Variants in MAST2 observed in about 807,000 individuals in gnomAD.
MAST2 encodes the protein microtubule-associated serine/threonine-protein kinase 2.
A neutral mutation model predicts 147.4 loss-of-function variants in MAST2; 70 were observed. That is an observed-to-expected ratio of 0.47 (90% CI 0.39 to 0.58). MAST2 has a LOEUF of 0.58. MAST2 is among the 20% of genes least tolerant of loss of function. The pLI, the probability that MAST2 is intolerant of heterozygous loss-of-function variation, is 0.00. For missense variants in MAST2, 2,080 were observed against 2,302.3 expected (o/e 0.90, Z 1.98); for synonymous variants, 869 against 896.8 (o/e 0.97, Z 0.55).
intron 4 of MAST2, among the ~76,000 whole-genome samples, chr1:45,887,331 C>G (rs377083722): frequency 6.6e-6 from 1 of 152,146 alleles, no homozygotes; most frequent in Non-Finnish European, 1.5e-5. Context: ...AGATAACAGA[C>G]TGTAGGAGTG....
intron 3 of MAST2, among the ~76,000 whole-genome samples, chr1:45,841,538 A>G (rs1477216021): frequency 2.6e-5 from 4 of 152,114 alleles, no homozygotes; most frequent in African/African-American, 9.7e-5. Flanking sequence ...GGTGGATGCC[A>G]CCATGCCTGG....
chr1:46,010,193 C>T (rs887606104), intron 9 of MAST2, among the ~76,000 whole-genome samples: 1 of 152,168 alleles, frequency 6.6e-6, no homozygotes. Flanking sequence ...TAACAAACTT[C>T]CCGGTTTAGA....
chr1:45,857,928 C>G (rs2148040622), intron 3 of MAST2, among the ~76,000 whole-genome samples: 1 of 137,198 alleles, frequency 7.3e-6, no homozygotes, highest in African/African-American at 2.7e-5. Flanking sequence ...CATGTCCCTA[C>G]AAAGGACATG....
intron 3 of MAST2, among the ~76,000 whole-genome samples, chr1:45,842,091 C>G (rs1414178270): frequency 6.6e-6 from 1 of 152,074 alleles, no homozygotes; most frequent in African/African-American, 2.4e-5. Context: ...ACTAGGTGAT[C>G]GTTGTATTCT....
Position 46,035,856 on chromosome 1 carries a change from T to C in MAST2, c.5187T>C (p.Ser1729=), listed in dbSNP as rs765128183. Residue 1729 remains serine, a synonymous_variant, in exon 29 of 29, where the codon TCT becomes TCC. Transcript: ENST00000361297. This position sits in a 1 kb window ranked among gnomAD's most constrained non-coding sequence, Gnocchi z 5.5. ...CCAGCCAGGGCTGGCTATGGGAGTC[T>C]GAGTGTGCACAAGCAGTGAAAGAGG... The part of the protein sequence containing the change: ...EDPSQGWLWE[S]ECAQAVKEDP... 23 of 1,613,924 alleles carry C rather than the reference T, an allele frequency of 1.4e-5. No individual in the cohort carries two copies. The highest frequency in any genetic ancestry group is 1.9e-5 in the Non-Finnish European group (22 of 1,180,028).
intron 4 of MAST2, among the ~76,000 whole-genome samples, chr1:45,899,146 T>C (rs548176974): frequency 1.3e-4 from 20 of 152,284 alleles, no homozygotes; most frequent in African/African-American, 4.6e-4. Context: ...AGAGGAGTAG[T>C]CTTCCAAAGC....
Position 46,035,838 on chromosome 1 carries a change from G to C in MAST2, c.5169G>C (p.Gln1723His). Residue 1723 changes from glutamine to histidine, a missense_variant, in exon 29 of 29, where the codon CAG becomes CAC. Physicochemically the swap from Gln to His is conservative, Grantham distance 24. Coordinates refer to ENST00000361297, the MANE Select transcript of MAST2 (RefSeq NM_015112.3). This position sits in a 1 kb window ranked among gnomAD's most constrained non-coding sequence, Gnocchi z 5.5. ...ATCCATCTTATGAGGATCCCAGCCA[G>C]GGCTGGCTATGGGAGTCTGAGTGTG... ...LAHPSYEDPSQGWLWESECAQ... is the reference protein window; with the variant it reads ...LAHPSYEDPSHGWLWESECAQ... 1 of 1,614,140 alleles carries C rather than the reference G, an allele frequency of 6.2e-7. No homozygotes were observed. The highest frequency in any genetic ancestry group is 8.5e-7 in the Non-Finnish European group (1 of 1,180,046).
At chr1:45,911,942 G>T (rs1651750185) in intron 4 of MAST2, among the ~76,000 whole-genome samples, 1 of 150,288 alleles carries the variant, frequency 6.7e-6, no homozygotes, top group Non-Finnish European at 1.5e-5. Context: ...AGAATATTGA[G>T]TAGAAACTTA....
intron 4 of MAST2, among the ~76,000 whole-genome samples, chr1:45,948,121 A>C (rs563179876): frequency 5.9e-5 from 9 of 152,346 alleles, no homozygotes; most frequent in African/African-American, 2.2e-4. Flanking sequence ...GCAGCCAGGG[A>C]GAGAGCCAAA....
intron 4 of MAST2, among the ~76,000 whole-genome samples, chr1:45,950,043 A>G (rs1658702389): frequency 6.6e-6 from 1 of 152,106 alleles, no homozygotes; most frequent in Non-Finnish European, 1.5e-5. Context: ...AAGAAGGGAA[A>G]ACAACAGACA....
At chr1:45,984,489 A>G (rs936910656) in intron 5 of MAST2, among the ~76,000 whole-genome samples, 1 of 151,832 alleles carries the variant, frequency 6.6e-6, no homozygotes, top group African/African-American at 2.4e-5. Flanking sequence ...AAATTTTTGT[A>G]GAGACAGAGT....
chr1:45,825,767 G>A (rs1405601308), intron 2 of MAST2, among the ~76,000 whole-genome samples: 1 of 151,210 alleles, frequency 6.6e-6, no homozygotes, highest in African/African-American at 2.4e-5. Context: ...ATTGTCATGA[G>A]TAAATTAGAT....
In MAST2 at chr1:45,803,845, G is replaced by T. The variant is rs988398213; in HGVS notation, c.-51G>T. On this transcript the variant is annotated 5_prime_UTR_variant, in exon 1 of 29. Coordinates refer to ENST00000361297, the MANE Select transcript of MAST2 (RefSeq NM_015112.3). ...CGGCTGCGCTGCGGCCCGGGGCAGT[G>T]CGGAGCCGGGACAGTCGCGGCGCTG... 2.1e-6 allele frequency: 1 copy of T among 484,376 alleles called. No homozygotes were observed. Among genetic ancestry groups the T allele is most frequent in the African/African-American group, 2.0e-5 (1 of 49,428 alleles). 30.0% of individuals were successfully genotyped at this position (484,376 alleles called of 1,614,324 possible).
At chr1:45,943,132 A>G (rs1657549937) in intron 4 of MAST2, among the ~76,000 whole-genome samples, 1 of 152,230 alleles carries the variant, frequency 6.6e-6, no homozygotes, top group Non-Finnish European at 1.5e-5. Flanking sequence ...TAGCATATGC[A>G]AGAGAATAGA....
intron 1 of MAST2, among the ~76,000 whole-genome samples, chr1:45,816,221 AAGAG>A (rs144287036): frequency 2.2e-4 from 30 of 134,808 alleles, no homozygotes; most frequent in East Asian, 1.1e-3. Context: ...GAGAGAGAGA[AAGAG>A]AGAGAGAGAG....
At chr1:45,876,551 G>C (rs1376517125) in intron 3 of MAST2, among the ~76,000 whole-genome samples, 1 of 152,216 alleles carries the variant, frequency 6.6e-6, no homozygotes, top group African/African-American at 2.4e-5. Context: ...AAGGTTATGA[G>C]TAAAATAATT....
intron 1 of MAST2, among the ~76,000 whole-genome samples, chr1:45,817,993 T>C (rs893165064): frequency 6.6e-6 from 1 of 152,220 alleles, no homozygotes; most frequent in African/African-American, 2.4e-5. Flanking sequence ...CTGCTGGTCA[T>C]GGAAATGTTT....
At chr1:45,916,204 C>T (rs1031250310) in intron 4 of MAST2, among the ~76,000 whole-genome samples, 20 of 152,104 alleles carry the variant, frequency 1.3e-4, no homozygotes, top group Non-Finnish European at 2.6e-4. Context: ...GTCACTGTAT[C>T]CATATTATAA....
chr1:45,865,795 A>G (rs916087472), intron 3 of MAST2, among the ~76,000 whole-genome samples: 5 of 152,240 alleles, frequency 3.3e-5, no homozygotes, highest in African/African-American at 1.2e-4. Context: ...ATACATGCCA[A>G]ATTTGATGAT....
Sources: allele counts gnomAD v4.1 joint callset (sites outside exome capture counted in the v4.1 genomes callset), GRCh38; gene constraint gnomAD v4.1.1; non-coding constraint Gnocchi (gnomAD v3.1); transcripts MANE v1.5; gene names NCBI Gene and HGNC (gene_info 2026-07-23, HGNC 2026-07-21).